Variants in GRK3 observed in about 807,000 individuals in gnomAD.
The protein encoded by GRK3 is adrenergic, beta, receptor kinase 2.
GRK3 carries 54 observed loss-of-function variants against 95.7 expected under a neutral mutation model. The ratio of observed to expected loss-of-function variants is 0.56; its 90% CI spans 0.45 to 0.71. GRK3 has a LOEUF of 0.71. Among genes scored for constraint, GRK3 ranks in the 30% least tolerant of loss-of-function variants. GRK3 has a pLI of 0.00. For synonymous variants in GRK3, 281 were observed against 290.8 expected (o/e 0.97, Z 0.34); for missense variants, 649 against 851.2 (o/e 0.76, Z 2.96).
In GRK3 at chr22:25,725,647, G is replaced by A; in HGVS notation, c.*3197G>A. 1 of 398,470 alleles carries A rather than the reference G, an allele frequency of 2.5e-6. No homozygotes were observed. Among genetic ancestry groups the A allele is most frequent in the East Asian group, 3.6e-5 (1 of 28,070 alleles). The allele number at this position is 398,470 out of a possible 1,614,324, so 24.7% of individuals were successfully genotyped here. ...CTGACGTGACAATTTCAGGTCCTAT[G>A]TTTAAAAAGAAGGGGCTGGCCGGGC... On this transcript the variant is annotated 3_prime_UTR_variant, in exon 21 of 21. Coordinates refer to ENST00000324198, the MANE Select transcript of GRK3 (RefSeq NM_005160.4).
chr22:25,574,453 C>T (rs1289701632), intron 1 of GRK3, among the ~76,000 whole-genome samples: 1 of 152,228 alleles, frequency 6.6e-6, no homozygotes, highest in Admixed American at 6.5e-5. Context: ...AATCATGTCA[C>T]TGCACTGCAG....
At chr22:25,614,316 T>C (rs4049410) in intron 2 of GRK3, among the ~76,000 whole-genome samples, 7 of 152,088 alleles carry the variant, frequency 4.6e-5, no homozygotes, top group Admixed American at 2.0e-4. Context: ...GTATTTTTTG[T>C]AGAGATAAGG....
chr22:25,623,035 G>C lies in GRK3; in HGVS notation c.190+18582G>C, dbSNP rs189437828. Among the ~76,000 whole-genome samples, 1,419 of 152,224 alleles carry C rather than the reference G, an allele frequency of 9.3e-3. 87 individuals are homozygous for C. The highest frequency in any genetic ancestry group is 0.088 in the Admixed American group (1,351 of 15,278). ...TGGCTCACTGCAACCTTTGCCTCCC[G>C]GGGTCAAGTGATTCTCCAGCCTCAG... On this transcript the variant is annotated intron_variant, in intron 2 of 20. Transcript: ENST00000324198.
chr22:25,585,205 G>C (rs538884558), intron 1 of GRK3, among the ~76,000 whole-genome samples: 1 of 152,252 alleles, frequency 6.6e-6, no homozygotes, highest in Admixed American at 6.5e-5. Context: ...GAGGAAGTGG[G>C]GTGCACAAGT....
rs2084363411 is a variant in GRK3, at chr22:25,595,097, T to C, written c.114-9280T>C. ...TGAGCAAAAGCTGGAAGCATTCCCC[T>C]TGAGAACTGGAACAGACAAGGATTC... On this transcript the variant is annotated intron_variant, in intron 1 of 20. Coordinates refer to ENST00000324198, the MANE Select transcript of GRK3 (RefSeq NM_005160.4). Among the ~76,000 whole-genome samples the C allele has an allele frequency of 3.3e-5, 5 of 152,290 alleles. No homozygotes were observed. In the South Asian group the frequency reaches 1.0e-3, roughly 32 times the overall value.
chr22:25,588,438 T>G (rs1210053253), intron 1 of GRK3, among the ~76,000 whole-genome samples: 2 of 152,208 alleles, frequency 1.3e-5, no homozygotes, highest in African/African-American at 4.8e-5. Context: ...ATATGAGACT[T>G]TCCTGTAAAA....
At chr22:25,575,878 A>C (rs555985037) in intron 1 of GRK3, among the ~76,000 whole-genome samples, 1 of 152,344 alleles carries the variant, frequency 6.6e-6, no homozygotes, top group Non-Finnish European at 1.5e-5. Flanking sequence ...TTCCAGACTC[A>C]GAAACTAGAT....
At chr22:25,721,741 G>A (rs766663167) in intron 20 of GRK3, among the ~76,000 whole-genome samples, 16 of 152,158 alleles carry the variant, frequency 1.1e-4, no homozygotes, top group Non-Finnish European at 2.1e-4. Flanking sequence ...ACGGCAAACT[G>A]AAATGCCATC....
chr22:25,706,050 G>C (rs376261607), intron 15 of GRK3, among the ~76,000 whole-genome samples: 62 of 152,142 alleles, frequency 4.1e-4, no homozygotes, highest in African/African-American at 1.5e-3. Flanking sequence ...CTTATTAGCT[G>C]GATGCTGGGA....
At chr22:25,624,770 T>A (rs1271010308) in intron 2 of GRK3, among the ~76,000 whole-genome samples, 1 of 152,190 alleles carries the variant, frequency 6.6e-6, no homozygotes, top group Non-Finnish European at 1.5e-5. Context: ...ATTCTAAAGC[T>A]TCTAGTTCAG....
intron 3 of GRK3, among the ~76,000 whole-genome samples, chr22:25,657,543 A>G (rs2084881062): frequency 6.6e-6 from 1 of 152,076 alleles, no homozygotes; most frequent in Non-Finnish European, 1.5e-5. Context: ...TCTACTATCA[A>G]TTTGTTTTTA....
chr22:25,709,769 T>A, intron 15 of GRK3, 129 bp from the exon 16 acceptor site: 2 of 685,238 alleles, frequency 2.9e-6, no homozygotes. Flanking sequence ...GAAGCATATT[T>A]GTTTGCTTTC....
chr22:25,708,786 C>T lies in GRK3; in HGVS notation c.1329-1112C>T, dbSNP rs1417478182. 2.6e-5 allele frequency among the ~76,000 whole-genome samples: 4 copies of T among 151,808 alleles called. 1 individual carries two copies. The highest frequency in any genetic ancestry group is 4.2e-4 in the South Asian group (2 of 4,794). On this transcript the variant is annotated intron_variant, in intron 15 of 20. Transcript: ENST00000324198. ...AAGCAAATCTCCTGCCTCAGCCTCC[C>T]GAGTAGCTGAGACTACAGGCGCCTG...
In GRK3 at chr22:25,647,608, G is replaced by A. The variant is rs2146386223; in HGVS notation, c.264+2943G>A. ...AGAAGACCTTTCATTTAAGAAGGGT[G>A]AAAAATTTCAAATAATTAACAATAC... On this transcript the variant is annotated intron_variant, in intron 3 of 20. Transcript: ENST00000324198. 3.9e-6 allele frequency: 6 copies of A among 1,532,564 alleles called. No individual in the cohort carries two copies. The East Asian group carries it at 1.4e-4, about 35-fold the overall frequency. 94.9% of individuals were successfully genotyped at this position (1,532,564 alleles called of 1,614,324 possible). A position where few individuals can be genotyped will look rare whatever the true frequency, so the allele number is the denominator to read the frequency against.
At chr22:25,699,594 G>A (rs951811845) in intron 13 of GRK3, among the ~76,000 whole-genome samples, 2 of 152,078 alleles carry the variant, frequency 1.3e-5, no homozygotes, top group African/African-American at 4.8e-5. Context: ...GAGGACCACT[G>A]CCCCAGAGCA....
At chr22:25,642,033 TA>T (rs2084746882) in intron 2 of GRK3, among the ~76,000 whole-genome samples, 2 of 152,114 alleles carry the variant, frequency 1.3e-5, no homozygotes, top group Non-Finnish European at 2.9e-5. Flanking sequence ...CTTCCAGAAA[TA>T]GAAAAAGAAA....
intron 5 of GRK3, among the ~76,000 whole-genome samples, chr22:25,666,337 A>G (rs1397884808): frequency 6.6e-6 from 1 of 152,210 alleles, no homozygotes; most frequent in African/African-American, 2.4e-5. Flanking sequence ...GGACATTTGA[A>G]TCTATTTCGT....
At chr22:25,621,891 A>G (rs2084588743) in intron 2 of GRK3, among the ~76,000 whole-genome samples, 1 of 152,190 alleles carries the variant, frequency 6.6e-6, no homozygotes, top group African/African-American at 2.4e-5. Flanking sequence ...GACTATAGAC[A>G]AGGTATGGGG....
chr22:25,637,511 C>A (rs1420077270), intron 2 of GRK3, among the ~76,000 whole-genome samples: 1 of 152,162 alleles, frequency 6.6e-6, no homozygotes, highest in Non-Finnish European at 1.5e-5. Flanking sequence ...GTCTTTGAAT[C>A]ATTTCAGATA....
Sources: allele counts gnomAD v4.1 joint callset (sites outside exome capture counted in the v4.1 genomes callset), GRCh38; gene constraint gnomAD v4.1.1; transcripts MANE v1.5; gene names NCBI Gene and HGNC (gene_info 2026-07-23, HGNC 2026-07-21).